NPIPB15: variants seen among roughly 807,000 people sequenced by gnomAD.
NPIPB15 encodes nuclear pore complex interacting protein family member B15, also known as nuclear pore complex-interacting protein family member B15.
NPIPB15 carries 5 observed loss-of-function variants against 35.9 expected under a neutral mutation model. That is an observed-to-expected ratio of 0.14 (90% CI 0.07 to 0.29). NPIPB15 has a LOEUF of 0.29. Among genes scored for constraint, NPIPB15 ranks in the 10% least tolerant of loss-of-function variants. The pLI is 1.00. For synonymous variants in NPIPB15, 43 were observed against 182.0 expected, an observed-to-expected ratio of 0.24 and a Z score of 6.15; for missense variants, 100 against 506.1, an observed-to-expected ratio of 0.20 and a Z score of 7.70.
At position 74,391,814 on chromosome 16, in the gene NPIPB15, C is replaced by T. The variant is rs371375813; in HGVS notation, c.1066C>T (p.Pro356Ser). 5.0e-6 allele frequency: 8 copies of T among 1,611,874 alleles called. No homozygotes were observed. Among genetic ancestry groups the T allele is most frequent in the Non-Finnish European group, 6.8e-6 (8 of 1,179,174 alleles). The change falls in exon 8 of 8, where the codon CCC (proline) becomes TCC (serine). Residue 356 changes from proline (P) to serine (S), a missense_variant. Physicochemically the swap from Pro to Ser is moderately conservative, Grantham distance 74. Coordinates refer to ENST00000692376, the MANE Select transcript of NPIPB15 (RefSeq NM_001306094.2). ...ATQEAEAEKP[P>S]KPKRWRVDEV... is the part of the protein sequence containing the mutation. ...TCAGGAGGCCGAGGCGGAAAAACCA[C>T]CCAAACCCAAGAGGTGGAGGGTGGA...
chr16:74,382,667 C>T lies in NPIPB15; in HGVS notation c.249+969C>T, dbSNP rs569447316. On this transcript the variant is annotated intron_variant, in intron 3 of 7. Transcript: ENST00000692376. ...AAAATGTGGTTTTCTGGGGGCTGAACCTCCTTCTGAACAATGATCCAAGAT... is the reference window on the plus strand; with the variant it reads ...AAAATGTGGTTTTCTGGGGGCTGAATCTCCTTCTGAACAATGATCCAAGAT... 2.6e-5 allele frequency among the ~76,000 whole-genome samples: 4 copies of T among 152,366 alleles called. No homozygotes were observed. The East Asian group carries it at 5.8e-4, about 22-fold the overall frequency.
intron 3 of NPIPB15, among the ~76,000 whole-genome samples, chr16:74,383,790 C>G (rs1181570974): frequency 6.6e-6 from 1 of 151,894 alleles, no homozygotes; most frequent in East Asian, 2.0e-4. Flanking sequence ...GTAGCAGGCA[C>G]CTATAATCCC....
chr16:74,378,567 C>T (rs1202591433), intron 2 of NPIPB15, among the ~76,000 whole-genome samples: 1 of 148,768 alleles, frequency 6.7e-6, no homozygotes, highest in African/African-American at 2.5e-5. Flanking sequence ...GCTCAGATTA[C>T]AACGCCTGGC....
chr16:74,380,848 A>G (rs1248791225), intron 2 of NPIPB15, among the ~76,000 whole-genome samples: 2 of 150,880 alleles, frequency 1.3e-5, no homozygotes, highest in African/African-American at 4.9e-5. Context: ...AAACAAAAAC[A>G]AAAACAAAAA....
At position 74,384,984 on chromosome 16, in the gene NPIPB15, G is replaced by C. The variant is rs935891348; in HGVS notation, c.250-358G>C. Among the ~76,000 whole-genome samples, 8 of 117,454 alleles carry C rather than the reference G, an allele frequency of 6.8e-5. 1 individual carries two copies. Among genetic ancestry groups the C allele is most frequent in the African/African-American group, 2.7e-4 (8 of 29,210 alleles). The allele number at this position is 117,454 out of a possible 152,430, so 77.1% of individuals were successfully genotyped here. A position where few individuals can be genotyped will look rare whatever the true frequency, so the allele number is the denominator to read the frequency against. On this transcript the variant is annotated intron_variant, in intron 3 of 7. Transcript: ENST00000692376. ...GAGTGAGTCACCGTGCCAGCCTCAT[G>C]TCATTCTTGTGTGTGTGTGTGTGTG...
rs1343323994 is a variant in NPIPB15 at position 74,387,413 on chromosome 16, C to T, written c.545+1664C>T. Among the ~76,000 whole-genome samples the T allele has an allele frequency of 3.3e-5, 5 of 149,554 alleles. 1 individual carries two copies. The East Asian group carries it at 1.0e-3, about 30-fold the overall frequency. On this transcript the variant is annotated intron_variant, in intron 5 of 7. Transcript: ENST00000692376. ...GGGTTTCCTTCTTCTCCATCTTCAC[C>T]TCATGTCTGTTTACTGCCATGTTAG... is the stretch of plus-strand genomic sequence containing the variant.
At chr16:74,388,416 A>G in intron 5 of NPIPB15, 1 of 950,732 alleles carries the variant, frequency 1.1e-6, no homozygotes, top group Non-Finnish European at 1.2e-6. Flanking sequence ...CACATAGTGC[A>G]CCTCATAGAA....
chr16:74,387,718 G>T (rs1477272116), intron 5 of NPIPB15, among the ~76,000 whole-genome samples: 2 of 151,998 alleles, frequency 1.3e-5, no homozygotes, highest in African/African-American at 4.8e-5. Context: ...CACACTCCTT[G>T]TTGGAGGCCA....
chr16:74,382,985 T>C (rs1024380129), intron 3 of NPIPB15, among the ~76,000 whole-genome samples: 1 of 137,372 alleles, frequency 7.3e-6, no homozygotes, highest in African/African-American at 2.7e-5. Context: ...TATAATGGTG[T>C]GATCTCGGCT....
chr16:74,381,004 A>G (rs2011959843), intron 2 of NPIPB15, among the ~76,000 whole-genome samples: 1 of 150,574 alleles, frequency 6.6e-6, no homozygotes, highest in Admixed American at 6.7e-5. Context: ...TGAGTCGGGC[A>G]TGGTGGCAGA....
At chr16:74,382,906 CTTTTT>C (rs1207851456) in intron 3 of NPIPB15, among the ~76,000 whole-genome samples, 3 of 115,938 alleles carry the variant, frequency 2.6e-5, no homozygotes, top group African/African-American at 6.7e-5. Flanking sequence ...TTGGAGGAAG[CTTTTT>C]TTTTTTTTTT....
At chr16:74,389,153 A>G (rs1407429732) in intron 5 of NPIPB15, among the ~76,000 whole-genome samples, 1 of 138,688 alleles carries the variant, frequency 7.2e-6, no homozygotes, top group Non-Finnish European at 1.5e-5. Flanking sequence ...CAAAAGGACT[A>G]TGCCTGTTTA....
rs954609209 is a variant in NPIPB15, at chr16:74,388,573, G to A, written c.546-1252G>A. Reference sequence around the variant, plus strand: ...GGAGGTGTCCATTCTCCCTTCGGTTGTGAGAATCAGTTGGTTCATTTGTGG... The same window carrying A: ...GGAGGTGTCCATTCTCCCTTCGGTTATGAGAATCAGTTGGTTCATTTGTGG... On this transcript the variant is annotated intron_variant, in intron 5 of 7. Transcript: ENST00000692376. 3 of 936,812 alleles carry A rather than the reference G, an allele frequency of 3.2e-6. No homozygotes were observed. In the Admixed American group the frequency reaches 2.1e-4, roughly 66 times the overall value. 58.0% of individuals were successfully genotyped at this position (936,812 alleles called of 1,614,324 possible). A position where few individuals can be genotyped will look rare whatever the true frequency, so the allele number is the denominator to read the frequency against.
In NPIPB15 at chr16:74,377,351, G is replaced by A. The variant is rs77322936; in HGVS notation, c.-23+5G>A. ...TTGGGGAGGACCAGAAATCAGGTTTGTGAAGGTTCCAGAGAGGACCTGTCC... is the reference window on the plus strand; with the variant it reads ...TTGGGGAGGACCAGAAATCAGGTTTATGAAGGTTCCAGAGAGGACCTGTCC... On this transcript the variant is annotated splice_donor_5th_base_variant and intron_variant, in intron 1 of 7. Coordinates refer to ENST00000692376, the MANE Select transcript of NPIPB15 (RefSeq NM_001306094.2). 2.6e-5 allele frequency among the ~76,000 whole-genome samples: 4 copies of A among 151,848 alleles called. No homozygotes were observed. Among genetic ancestry groups the A allele is most frequent in the Admixed American group, 6.6e-5 (1 of 15,248 alleles).
chr16:74,382,545 GAATTTGGCTGCTAAGTTGTGCCAT>G (rs1444576398), intron 3 of NPIPB15, among the ~76,000 whole-genome samples: 2 of 152,262 alleles, frequency 1.3e-5, no homozygotes, highest in African/African-American at 2.4e-5. Flanking sequence ...TACTTGGTAA[GAATTTGGCTGCTAAGTTGTGCCAT>G]AATTTGTCTT....
At chr16:74,382,936 A>G (rs1015077446) in intron 3 of NPIPB15, among the ~76,000 whole-genome samples, 2 of 83,956 alleles carry the variant, frequency 2.4e-5, no homozygotes, top group African/African-American at 4.9e-5. Flanking sequence ...TTCTTTTCTC[A>G]CCCCCGAAAC....
At chr16:74,391,352 T>A in intron 7 of NPIPB15, 39 bp from the exon 8 acceptor site, 1 of 1,590,180 alleles carries the variant, frequency 6.3e-7, no homozygotes, top group Non-Finnish European at 8.5e-7. Flanking sequence ...GTCCATCAAA[T>A]GAATATGTGT....
chr16:74,382,737 GAAGT>G (rs1256741181), intron 3 of NPIPB15, among the ~76,000 whole-genome samples: 1 of 152,184 alleles, frequency 6.6e-6, no homozygotes, highest in African/African-American at 2.4e-5. Context: ...AAGGGAAGAG[GAAGT>G]ATGTTTCAGT....
chr16:74,382,905 GCTTT>G (rs1293315059), intron 3 of NPIPB15, among the ~76,000 whole-genome samples: 3 of 133,034 alleles, frequency 2.3e-5, no homozygotes, highest in African/African-American at 8.2e-5. Context: ...ATTGGAGGAA[GCTTT>G]TTTTTTTTTT....
Sources: gnomAD v4.1 joint callset for allele counts (sites outside exome capture counted in the v4.1 genomes callset) on GRCh38, gnomAD v4.1.1 for gene constraint, MANE v1.5 for transcripts, NCBI Gene and HGNC (gene_info 2026-07-23, HGNC 2026-07-21) for gene names.